Variants in UGGT2 observed in about 807,000 individuals in gnomAD.
UGGT2 encodes the protein UDP-glucose:glycoprotein glucosyltransferase 2.
In UGGT2, 180 loss-of-function variants were observed where a neutral mutation model predicts 192.1. The ratio of observed to expected loss-of-function variants is 0.94; its 90% CI spans 0.83 to 1.06. The LOEUF is 1.06. Ranked by LOEUF, UGGT2 falls within the 50% of genes least tolerant of loss-of-function variation. The pLI, the probability that UGGT2 is intolerant of heterozygous loss-of-function variation, is 0.00. For missense variants in UGGT2, 1,849 were observed against 1,795.7 expected (o/e 1.03, Z -0.54); for synonymous variants, 580 against 591.0 (o/e 0.98, Z 0.27).
At chr13:95,927,804 G>A (rs534324690) in intron 17 of UGGT2, among the ~76,000 whole-genome samples, 3 of 152,234 alleles carry the variant, frequency 2.0e-5, no homozygotes, top group Non-Finnish European at 4.4e-5. Context: ...TAGGCAGAGG[G>A]CCCTGCCGCC....
intron 26 of UGGT2, among the ~76,000 whole-genome samples, chr13:95,885,156 G>A (rs1355010859): frequency 1.3e-5 from 2 of 152,216 alleles, no homozygotes; most frequent in South Asian, 2.1e-4. Flanking sequence ...ATAGGATTAA[G>A]TTGAAAGCAA....
At position 95,801,639 on chromosome 13, in the gene UGGT2, CTG is replaced by C. The variant is rs776232429; in HGVS notation, c.*149_*150del. On this transcript the variant is annotated 3_prime_UTR_variant, in exon 39 of 39. Transcript: ENST00000376747. Reference sequence around the variant, plus strand: ...TAAACTCATTCAATACATTAAATAACTGTTTTAAATAATTACAATTTTTTAAA... The same window carrying C: ...TAAACTCATTCAATACATTAAATAACTTTTAAATAATTACAATTTTTTAAA... 6.8e-4 allele frequency: 456 copies of C among 668,562 alleles called. No homozygotes were observed. The highest frequency in any genetic ancestry group is 8.9e-4 in the Non-Finnish European group (365 of 411,916). The allele number at this position is 668,562 out of a possible 1,614,324, so 41.4% of individuals were successfully genotyped here. A position where few individuals can be genotyped will look rare whatever the true frequency, so the allele number is the denominator to read the frequency against.
At chr13:96,046,868 T>C (rs1354954631) in intron 1 of UGGT2, among the ~76,000 whole-genome samples, 1 of 152,146 alleles carries the variant, frequency 6.6e-6, no homozygotes, top group African/African-American at 2.4e-5. Flanking sequence ...GCCTCCCTCA[T>C]TGCTAGCACA....
intron 20 of UGGT2, among the ~76,000 whole-genome samples, chr13:95,923,336 G>A (rs2048907950): frequency 6.6e-6 from 1 of 151,364 alleles, no homozygotes; most frequent in Non-Finnish European, 1.5e-5. Context: ...TGGGATTACA[G>A]GCACGAGCCA....
At chr13:96,015,370 G>A (rs1267278981) in intron 4 of UGGT2, among the ~76,000 whole-genome samples, 1 of 151,798 alleles carries the variant, frequency 6.6e-6, no homozygotes, top group Non-Finnish European at 1.5e-5. Context: ...GGAAAAATTA[G>A]AGGAAATGGA....
intron 25 of UGGT2, among the ~76,000 whole-genome samples, chr13:95,889,395 A>AT (rs1240986617): frequency 6.6e-6 from 1 of 152,074 alleles, no homozygotes; most frequent in Admixed American, 6.6e-5. Flanking sequence ...ATAAAATCTC[A>AT]TTTTCCAATG....
chr13:95,846,291 A>G (rs9670089), intron 36 of UGGT2, among the ~76,000 whole-genome samples: 55,352 of 151,928 alleles, frequency 0.36, 10,483 homozygotes, highest in Non-Finnish European at 0.42. Flanking sequence ...CAGGCGTGGC[A>G]GCGCGCGCCT....
chr13:95,903,893 A>C (rs1245698368), intron 20 of UGGT2, among the ~76,000 whole-genome samples: 3 of 152,210 alleles, frequency 2.0e-5, no homozygotes, highest in African/African-American at 7.2e-5. Flanking sequence ...ATTTTAATTT[A>C]AATCATTCTC....
At position 96,037,687 on chromosome 13, in the gene UGGT2, T is replaced by C. The variant is rs543198857; in HGVS notation, c.159-5716A>G. ...ATTTTTGGATTTAAAGCATTATTCT[T>C]AAAAATTTCCCTCACTTGCTCCCAC... On this transcript the variant is annotated intron_variant, in intron 1 of 38. Coordinates refer to ENST00000376747, the MANE Select transcript of UGGT2 (RefSeq NM_020121.4). Among the ~76,000 whole-genome samples, 20 of 152,302 alleles carry C rather than the reference T, an allele frequency of 1.3e-4. No homozygotes were observed. The South Asian group carries it at 2.5e-3, about 19-fold the overall frequency.
At chr13:95,802,056 G>C (rs1216416178) in intron 38 of UGGT2, among the ~76,000 whole-genome samples, 1 of 152,084 alleles carries the variant, frequency 6.6e-6, no homozygotes, top group Non-Finnish European at 1.5e-5. Flanking sequence ...GAGTCTATGA[G>C]GACAAGGAAC....
intron 17 of UGGT2, among the ~76,000 whole-genome samples, chr13:95,930,538 C>T (rs886100982): frequency 6.6e-6 from 1 of 152,114 alleles, no homozygotes; most frequent in Non-Finnish European, 1.5e-5. Context: ...CACTAATTTT[C>T]ATCAACTTTT....
At chr13:95,915,831 C>A (rs1047873586) in intron 20 of UGGT2, among the ~76,000 whole-genome samples, 1 of 152,210 alleles carries the variant, frequency 6.6e-6, no homozygotes, top group Non-Finnish European at 1.5e-5. Context: ...TTCCTCCTCA[C>A]TGGGGAGGAC....
At chr13:96,030,975 G>T (rs995771927) in intron 2 of UGGT2, among the ~76,000 whole-genome samples, 2 of 152,098 alleles carry the variant, frequency 1.3e-5, no homozygotes, top group Non-Finnish European at 2.9e-5. Flanking sequence ...TGCAATATAC[G>T]TGTCAGTATA....
At chr13:95,892,885 G>A (rs779222553) in intron 24 of UGGT2, among the ~76,000 whole-genome samples, 1 of 152,064 alleles carries the variant, frequency 6.6e-6, no homozygotes, top group Non-Finnish European at 1.5e-5. Context: ...AGCCTGCAAG[G>A]CTTCCTTCAA....
intron 15 of UGGT2, among the ~76,000 whole-genome samples, chr13:95,941,634 A>T (rs1372459918): frequency 6.6e-6 from 1 of 152,156 alleles, no homozygotes; most frequent in Non-Finnish European, 1.5e-5. Flanking sequence ...GATACTCATA[A>T]AATAAGGTAG....
At chr13:95,893,257 C>T (rs769015062) in intron 24 of UGGT2, among the ~76,000 whole-genome samples, 9 of 151,994 alleles carry the variant, frequency 5.9e-5, no homozygotes, top group Non-Finnish European at 1.2e-4. Flanking sequence ...GGATTTATAA[C>T]AAGTGTTTTA....
chr13:95,930,614 A>G (rs972200267), intron 17 of UGGT2, among the ~76,000 whole-genome samples: 3 of 152,106 alleles, frequency 2.0e-5, no homozygotes, highest in African/African-American at 7.2e-5. Context: ...CCATTAGTCT[A>G]TGTGTCTATT....
At chr13:95,967,440 C>A (rs550163546) in intron 12 of UGGT2, among the ~76,000 whole-genome samples, 1 of 150,848 alleles carries the variant, frequency 6.6e-6, no homozygotes, top group Admixed American at 6.6e-5. Flanking sequence ...GCGTGAGCCA[C>A]CACGCCCAGC....
At chr13:95,918,767 G>A (rs2048756630) in intron 20 of UGGT2, among the ~76,000 whole-genome samples, 1 of 152,044 alleles carries the variant, frequency 6.6e-6, no homozygotes, top group Admixed American at 6.6e-5. Context: ...AGGACCAGAT[G>A]GATTCACAGC....
Sources: gnomAD v4.1 joint callset for allele counts (sites outside exome capture counted in the v4.1 genomes callset) on GRCh38, gnomAD v4.1.1 for gene constraint, MANE v1.5 for transcripts, NCBI Gene and HGNC (gene_info 2026-07-23, HGNC 2026-07-21) for gene names.